Variants in NBAS observed in about 807,000 individuals in gnomAD.
The protein encoded by NBAS is NBAS subunit of NRZ tethering complex.
In NBAS, 219 loss-of-function variants were observed where a neutral mutation model predicts 302.5. The ratio of observed to expected loss-of-function variants is 0.72; its 90% CI spans 0.65 to 0.81. NBAS has a LOEUF of 0.81. NBAS is among the 30% of genes least tolerant of loss of function. The probability of loss-of-function intolerance (pLI) is 0.00; values close to 1 mark genes in which losing one functional copy is unlikely to be tolerated. For synonymous variants in NBAS, 1,118 were observed against 1,021.6 expected (o/e 1.09, Z -1.80); for missense variants, 2,932 against 2,841.6 (o/e 1.03, Z -0.72).
At chr2:15,220,011 G>A (rs1227122814) in intron 47 of NBAS, among the ~76,000 whole-genome samples, 1 of 148,862 alleles carries the variant, frequency 6.7e-6, no homozygotes, top group Non-Finnish European at 1.5e-5. Context: ...CCCGGACGGG[G>A]CGGCTGGCCA....
intron 4 of NBAS, 24 bp downstream of exon 4, chr2:15,554,037 A>T: frequency 6.5e-7 from 1 of 1,530,564 alleles, no homozygotes; most frequent in Non-Finnish European, 8.8e-7. Flanking sequence ...AGACAGAAAA[A>T]CATTGAATTT....
the NBAS span, among the ~76,000 whole-genome samples, chr2:15,036,766 G>A: frequency 6.6e-6 from 1 of 152,144 alleles, no homozygotes; most frequent in Non-Finnish European, 1.5e-5. Flanking sequence ...AGGGCAGGTT[G>A]CTTAAACATT....
the NBAS span, among the ~76,000 whole-genome samples, chr2:15,139,713 C>T: frequency 6.6e-6 from 1 of 152,120 alleles, no homozygotes; most frequent in Non-Finnish European, 1.5e-5. Context: ...GGTCCCTCAC[C>T]TCCCCTAGTA....
chr2:15,040,925 T>G, the NBAS span, among the ~76,000 whole-genome samples: 492 of 152,366 alleles, frequency 3.2e-3, 2 homozygotes, highest in African/African-American at 0.011. Flanking sequence ...TTTTTCCTCT[T>G]TCATCAGTTT....
At chr2:15,028,439 T>C in the NBAS span, among the ~76,000 whole-genome samples, 6 of 152,360 alleles carry the variant, frequency 3.9e-5, no homozygotes, top group South Asian at 1.2e-3. Flanking sequence ...AAAACAACTT[T>C]AATTGCAAAA....
intron 32 of NBAS, among the ~76,000 whole-genome samples, chr2:15,363,197 C>A (rs1369739030): frequency 1.3e-5 from 2 of 152,200 alleles, no homozygotes; most frequent in Non-Finnish European, 2.9e-5. Context: ...TGACTGACTG[C>A]CTATGGATTT....
chr2:15,307,946 T>C (rs1671102610), intron 40 of NBAS, among the ~76,000 whole-genome samples: 1 of 152,214 alleles, frequency 6.6e-6, no homozygotes, highest in Non-Finnish European at 1.5e-5. Flanking sequence ...ACTTTAGCCA[T>C]TCCTAAGAAC....
chr2:14,980,339 A>T, the NBAS span, among the ~76,000 whole-genome samples: 1 of 152,164 alleles, frequency 6.6e-6, no homozygotes, highest in African/African-American at 2.4e-5. Flanking sequence ...GCCTTTGGAA[A>T]AAACAAGCAG....
the NBAS span, among the ~76,000 whole-genome samples, chr2:15,107,386 T>C: frequency 3.9e-4 from 59 of 152,196 alleles, no homozygotes; most frequent in East Asian, 0.011. Flanking sequence ...AGGAAATAAA[T>C]GGCTGTTGTT....
intron 48 of NBAS, among the ~76,000 whole-genome samples, chr2:15,192,965 T>A (rs1665433858): frequency 6.6e-6 from 1 of 152,184 alleles, no homozygotes; most frequent in South Asian, 2.1e-4. Flanking sequence ...CCTGAACTTT[T>A]CAGAAACTGT....
the NBAS span, among the ~76,000 whole-genome samples, chr2:15,032,253 G>A: frequency 6.6e-6 from 1 of 152,208 alleles, no homozygotes; most frequent in Non-Finnish European, 1.5e-5. Context: ...ATGAGGTAAT[G>A]TACTGAGACT....
the NBAS span, among the ~76,000 whole-genome samples, chr2:14,889,765 A>T: frequency 1.6e-4 from 25 of 152,276 alleles, no homozygotes; most frequent in Non-Finnish European, 3.4e-4. Context: ...TGAGGTTCCT[A>T]CTCTATAAAA....
chr2:15,366,837 GTTT>G, intron 31 of NBAS, 144 bp from the exon 32 acceptor site: 2 of 736,674 alleles, frequency 2.7e-6, no homozygotes, highest in Non-Finnish European at 4.8e-6. Context: ...TAAAAGGCAC[GTTT>G]AACAAACAGC....
At chr2:15,183,759 C>T (rs1664938214) in intron 50 of NBAS, among the ~76,000 whole-genome samples, 1 of 152,104 alleles carries the variant, frequency 6.6e-6, no homozygotes, top group African/African-American at 2.4e-5. Flanking sequence ...TTAAGGTGCT[C>T]CTAGTCTTAA....
At chr2:15,100,619 G>T in the NBAS span, among the ~76,000 whole-genome samples, 2 of 152,162 alleles carry the variant, frequency 1.3e-5, no homozygotes, top group African/African-American at 4.8e-5. Context: ...AAGAGACAGG[G>T]TGTCGAATTT....
At chr2:15,449,164 AAGATT>A (rs763534650) in intron 21 of NBAS, among the ~76,000 whole-genome samples, 3 of 152,208 alleles carry the variant, frequency 2.0e-5, no homozygotes, top group Non-Finnish European at 4.4e-5. Flanking sequence ...ATGGAAACTG[AAGATT>A]ATATTGTTAC....
chr2:15,409,920 G>T (rs1262653161), intron 25 of NBAS, among the ~76,000 whole-genome samples: 3 of 152,110 alleles, frequency 2.0e-5, no homozygotes, highest in Non-Finnish European at 4.4e-5. Context: ...AAGCAAACTA[G>T]GTATCACCAG....
intron 44 of NBAS, among the ~76,000 whole-genome samples, chr2:15,266,649 A>G (rs1317615961): frequency 6.6e-6 from 1 of 152,178 alleles, no homozygotes; most frequent in African/African-American, 2.4e-5. Context: ...AAAGGGTAGA[A>G]TTTCTTGATT....
intron 13 of NBAS, among the ~76,000 whole-genome samples, chr2:15,477,933 T>C (rs1286539320): frequency 6.7e-6 from 1 of 149,078 alleles, no homozygotes; most frequent in Admixed American, 6.7e-5. Context: ...TACTCAGTGT[T>C]TCTTCTTTGA....
Sources: allele counts gnomAD v4.1 joint callset (sites outside exome capture counted in the v4.1 genomes callset), GRCh38; gene constraint gnomAD v4.1.1; transcripts MANE v1.5; gene names NCBI Gene and HGNC (gene_info 2026-07-23, HGNC 2026-07-21).